Variants in IGFBP7 observed in about 807,000 individuals in gnomAD.
IGFBP7 encodes the protein insulin-like growth factor-binding protein 7.
Under a neutral mutation model 29.4 loss-of-function variants are expected in IGFBP7, and 31 were observed. That is an observed-to-expected ratio of 1.05 (90% CI 0.79 to 1.42). The LOEUF (loss-of-function observed/expected upper bound fraction) is 1.42, where lower values mean the gene tolerates loss of function less well. Among genes scored for constraint, IGFBP7 ranks in the 40% most tolerant of loss-of-function variants. The pLI is 0.00. For synonymous variants in IGFBP7, 172 were observed against 174.9 expected (o/e 0.98, Z 0.13); for missense variants, 393 against 395.5 (o/e 0.99, Z 0.05).
At chr4:57,065,170 G>C (rs749151753) in intron 1 of IGFBP7, among the ~76,000 whole-genome samples, 3 of 152,226 alleles carry the variant, frequency 2.0e-5, no homozygotes, top group African/African-American at 7.2e-5. Flanking sequence ...CTCGGCCCAC[G>C]CCAGGAGGCG....
chr4:57,081,282 A>C (rs894230618), intron 1 of IGFBP7, among the ~76,000 whole-genome samples: 1 of 151,952 alleles, frequency 6.6e-6, no homozygotes, highest in African/African-American at 2.4e-5. Context: ...ATACTCAGCT[A>C]TGGGTTCTAA....
At chr4:57,056,459 A>G (rs1335855028) in intron 1 of IGFBP7, among the ~76,000 whole-genome samples, 4 of 152,100 alleles carry the variant, frequency 2.6e-5, no homozygotes, top group Non-Finnish European at 4.4e-5. Flanking sequence ...GCTAAGAGGA[A>G]TTGAGAAGGT....
chr4:57,058,093 G>T (rs1049129168), intron 1 of IGFBP7, among the ~76,000 whole-genome samples: 6 of 151,624 alleles, frequency 4.0e-5, no homozygotes, highest in African/African-American at 1.5e-4. Flanking sequence ...AAAAGTCGTG[G>T]GTAATTTTTT....
At chr4:57,062,184 C>T (rs979867083) in intron 1 of IGFBP7, among the ~76,000 whole-genome samples, 2 of 152,112 alleles carry the variant, frequency 1.3e-5, no homozygotes, top group African/African-American at 4.8e-5. Flanking sequence ...TCTACATAAT[C>T]CGTATGGCTG....
intron 1 of IGFBP7, among the ~76,000 whole-genome samples, chr4:57,101,869 G>C (rs1362589869): frequency 6.6e-6 from 1 of 151,970 alleles, no homozygotes; most frequent in African/African-American, 2.4e-5. Context: ...AGACTCACTG[G>C]GAAATCTTTG....
intron 1 of IGFBP7, among the ~76,000 whole-genome samples, chr4:57,051,828 A>G (rs1030207989): frequency 1.3e-5 from 2 of 152,240 alleles, no homozygotes; most frequent in Non-Finnish European, 2.9e-5. Context: ...TTAGCACAGT[A>G]CCTGGCATGG....
chr4:57,079,746 C>T lies in IGFBP7; in HGVS notation c.475+30131G>A, dbSNP rs79775244. On this transcript the variant is annotated intron_variant, in intron 1 of 4. Transcript: ENST00000295666. ...TTATCTTCTGTCCAACATCTAACAG[C>T]GCTTTTCCTATCACTCTCATGCTAT... is the stretch of plus-strand genomic sequence containing the variant. Among the ~76,000 whole-genome samples the T allele has an allele frequency of 7.7e-3, 1,169 of 152,308 alleles. 7 individuals are homozygous for T. The highest frequency in any genetic ancestry group is 0.013 in the Non-Finnish European group (875 of 68,022).
chr4:57,045,119 A>G (rs6837593), intron 1 of IGFBP7, among the ~76,000 whole-genome samples: 13,321 of 152,216 alleles, frequency 0.088, 680 homozygotes, highest in African/African-American at 0.13. Context: ...CTCTCTCCCA[A>G]TGCTTGGAAT....
rs11573099 is a variant in IGFBP7 at position 57,055,425 on chromosome 4, G to A, written c.476-14492C>T. ...AGATACTCAGATGATTAGGAAGACA[G>A]GAAGGTGGAAAGTTAGAAAGGAGGA... is the stretch of plus-strand genomic sequence containing the variant. On this transcript the variant is annotated intron_variant, in intron 1 of 4. Coordinates refer to ENST00000295666, the MANE Select transcript of IGFBP7 (RefSeq NM_001553.3). Among the ~76,000 whole-genome samples the A allele has an allele frequency of 4.9e-3, 747 of 152,342 alleles. 2 individuals carry two copies. Among genetic ancestry groups the A allele is most frequent in the South Asian group, 0.012 (58 of 4,826 alleles).
At chr4:57,085,875 C>T (rs997096931) in intron 1 of IGFBP7, among the ~76,000 whole-genome samples, 1 of 152,280 alleles carries the variant, frequency 6.6e-6, no homozygotes, top group Non-Finnish European at 1.5e-5. Flanking sequence ...CCCTCCTTCA[C>T]TTTTATTTGG....
intron 1 of IGFBP7, among the ~76,000 whole-genome samples, chr4:57,086,551 T>G (rs1725502105): frequency 2.6e-5 from 4 of 152,212 alleles, no homozygotes; most frequent in Admixed American, 2.6e-4. Context: ...GCCTGCAGGC[T>G]TGGTGGCATA....
intron 1 of IGFBP7, among the ~76,000 whole-genome samples, chr4:57,050,618 C>T (rs1724481221): frequency 6.6e-6 from 1 of 152,118 alleles, no homozygotes; most frequent in South Asian, 2.1e-4. Flanking sequence ...GATCATAGCT[C>T]ACTGCAGACT....
intron 2 of IGFBP7, among the ~76,000 whole-genome samples, chr4:57,035,043 T>C (rs1724049532): frequency 1.3e-5 from 2 of 152,218 alleles, no homozygotes; most frequent in African/African-American, 4.8e-5. Flanking sequence ...TCTCAAGTAA[T>C]ATGACTCTGA....
intron 1 of IGFBP7, chr4:57,072,779 G>T (rs532009147): frequency 5.6e-6 from 3 of 534,728 alleles, no homozygotes; most frequent in Non-Finnish European, 1.1e-5. Context: ...TTTCAAATGG[G>T]TGGGGACCAT....
intron 1 of IGFBP7, among the ~76,000 whole-genome samples, chr4:57,065,892 T>C (rs1724909787): frequency 6.6e-6 from 1 of 152,284 alleles, no homozygotes; most frequent in Non-Finnish European, 1.5e-5. Flanking sequence ...CTCTCTCTGC[T>C]CCACGGTCCT....
Position 57,110,104 on chromosome 4 carries a change from G to A in IGFBP7, c.248C>T (p.Pro83Leu), listed in dbSNP as rs1254096846. ...GCGGCTCTTCACGCACTCCATGCCCGGCGCGCAGTACCCCCTGCCGGCGCC... is the reference window on the plus strand; with the variant it reads ...GCGGCTCTTCACGCACTCCATGCCCAGCGCGCAGTACCCCCTGCCGGCGCC... ...GGGAGRGYCA[P>L]GMECVKSRKR... Residue 83 changes from proline (P) to leucine (L), a missense_variant, in exon 1 of 5, where the codon CCG becomes CTG. By Grantham distance (98) the Pro-to-Leu change is moderately conservative (BLOSUM62 -3). Coordinates refer to ENST00000295666, the MANE Select transcript of IGFBP7 (RefSeq NM_001553.3). 3.3e-6 allele frequency: 5 copies of A among 1,531,970 alleles called. No homozygotes were observed. The South Asian group carries it at 4.8e-5, about 15-fold the overall frequency. The allele number at this position is 1,531,970 out of a possible 1,614,324, so 94.9% of individuals were successfully genotyped here. A position where few individuals can be genotyped will look rare whatever the true frequency, so the allele number is the denominator to read the frequency against.
At chr4:57,063,206 T>G (rs1203643787) in intron 1 of IGFBP7, among the ~76,000 whole-genome samples, 1 of 152,192 alleles carries the variant, frequency 6.6e-6, no homozygotes, top group African/African-American at 2.4e-5. Context: ...CCTTTTTGTT[T>G]GACAAACCTC....
At chr4:57,080,311 C>G (rs1339084713) in intron 1 of IGFBP7, among the ~76,000 whole-genome samples, 3 of 152,174 alleles carry the variant, frequency 2.0e-5, no homozygotes, top group Non-Finnish European at 4.4e-5. Flanking sequence ...AATTTCTCTA[C>G]CTGTCTAAGA....
rs192666855 is a variant in IGFBP7 at position 57,047,480 on chromosome 4, A to C, written c.476-6547T>G. ...GGAGAAGGAGAAGAAAGAAAAAATGAAGAAAGATAGCCAGATCCTGAAGGA... is the reference window on the plus strand; with the variant it reads ...GGAGAAGGAGAAGAAAGAAAAAATGCAGAAAGATAGCCAGATCCTGAAGGA... On this transcript the variant is annotated intron_variant, in intron 1 of 4. Coordinates refer to ENST00000295666, the MANE Select transcript of IGFBP7 (RefSeq NM_001553.3). 3.3e-5 allele frequency among the ~76,000 whole-genome samples: 5 copies of C among 152,354 alleles called. No individual in the cohort carries two copies. In the South Asian group the frequency reaches 1.0e-3, roughly 32 times the overall value.
Sources: gnomAD v4.1 joint callset for allele counts (sites outside exome capture counted in the v4.1 genomes callset) on GRCh38, gnomAD v4.1.1 for gene constraint, MANE v1.5 for transcripts, NCBI Gene and HGNC (gene_info 2026-07-23, HGNC 2026-07-21) for gene names.